Variants in NINL observed in about 807,000 individuals in gnomAD.
NINL encodes ninein like.
NINL carries 153 observed loss-of-function variants against 160.3 expected under a neutral mutation model. The observed-to-expected ratio is 0.95, with a 90% CI of 0.84 to 1.09. NINL has a LOEUF of 1.09. Ranked by LOEUF, NINL falls within the 50% of genes least tolerant of loss-of-function variation. NINL has a pLI of 0.00. For missense variants in NINL, 1,829 were observed against 1,764.0 expected, an observed-to-expected ratio of 1.04 and a Z score of -0.66; for synonymous variants, 800 against 734.8, an observed-to-expected ratio of 1.09 and a Z score of -1.43.
chr20:25,514,915 T>C (rs938079395), intron 3 of NINL, among the ~76,000 whole-genome samples: 5 of 152,194 alleles, frequency 3.3e-5, no homozygotes, highest in Non-Finnish European at 7.4e-5. Flanking sequence ...AGAGGATATA[T>C]GAAGACATCT....
intron 1 of NINL, among the ~76,000 whole-genome samples, chr20:25,584,917 G>A (rs1188716748): frequency 6.6e-6 from 1 of 152,240 alleles, no homozygotes; most frequent in East Asian, 1.9e-4. Context: ...GATAAAATTC[G>A]CAACAGACTT....
intron 1 of NINL, among the ~76,000 whole-genome samples, chr20:25,536,449 G>A (rs954830978): frequency 1.3e-5 from 2 of 152,218 alleles, no homozygotes; most frequent in African/African-American, 2.4e-5. Flanking sequence ...AGTGGCTCAC[G>A]CCTATAATCC....
At chr20:25,571,350 G>A (rs1226213323) in intron 1 of NINL, among the ~76,000 whole-genome samples, 1 of 152,244 alleles carries the variant, frequency 6.6e-6, no homozygotes, top group East Asian at 1.9e-4. Context: ...TGGCACGCCA[G>A]GGTCAAGGAG....
intron 5 of NINL, among the ~76,000 whole-genome samples, chr20:25,506,427 GCTT>G (rs1423781896): frequency 6.6e-6 from 1 of 152,196 alleles, no homozygotes; most frequent in East Asian, 1.9e-4. Flanking sequence ...CCTGCCACAG[GCTT>G]CTTCTCTACC....
At chr20:25,535,363 T>C (rs1039468193) in intron 1 of NINL, among the ~76,000 whole-genome samples, 1 of 152,144 alleles carries the variant, frequency 6.6e-6, no homozygotes, top group Non-Finnish European at 1.5e-5. Context: ...CAGTTAATAA[T>C]AACATATTGT....
At position 25,477,028 on chromosome 20, in the gene NINL, T is replaced by C; in HGVS notation, c.2263A>G (p.Arg755Gly). 6.3e-7 allele frequency: 1 copy of C among 1,599,784 alleles called. No homozygotes were observed. Among genetic ancestry groups the C allele is most frequent in the Non-Finnish European group, 8.5e-7 (1 of 1,179,690 alleles). Reference sequence around the variant, plus strand: ...TCCTCCAGCTCCAAGGTCAGGTCTCTGCGAGCGGGCAGGGCTCCCAGCCCC... The same window carrying C: ...TCCTCCAGCTCCAAGGTCAGGTCTCCGCGAGCGGGCAGGGCTCCCAGCCCC... ...LSGLGALPAR[R>G]DLTLELEEPP... The change falls in exon 17 of 24, where the codon AGA becomes GGA. Residue 755 changes from arginine to glycine, a missense_variant. Coordinates refer to ENST00000278886, the MANE Select transcript of NINL (RefSeq NM_025176.6).
intron 1 of NINL, among the ~76,000 whole-genome samples, chr20:25,577,168 C>T (rs1019890438): frequency 1.3e-5 from 2 of 152,216 alleles, no homozygotes; most frequent in East Asian, 1.9e-4. Flanking sequence ...GCAGTGACAA[C>T]GTTGCCTGAA....
chr20:25,521,910 G>C (rs2064270016), intron 2 of NINL, among the ~76,000 whole-genome samples: 1 of 152,092 alleles, frequency 6.6e-6, no homozygotes, highest in African/African-American at 2.4e-5. Flanking sequence ...ACCTCTCTGG[G>C]TACTTAATTT....
chr20:25,552,102 T>C (rs1488895043), intron 1 of NINL, among the ~76,000 whole-genome samples: 1 of 152,192 alleles, frequency 6.6e-6, no homozygotes, highest in Non-Finnish European at 1.5e-5. Context: ...ATGACTCCAT[T>C]CCCAGGCTTA....
intron 2 of NINL, among the ~76,000 whole-genome samples, chr20:25,525,180 A>T (rs2064335295): frequency 6.6e-6 from 1 of 152,148 alleles, no homozygotes; most frequent in Non-Finnish European, 1.5e-5. Flanking sequence ...GTTCCTTATG[A>T]GGGAGGCACA....
At chr20:25,460,765 G>C (rs999760987) in intron 21 of NINL, among the ~76,000 whole-genome samples, 1 of 152,142 alleles carries the variant, frequency 6.6e-6, no homozygotes, top group African/African-American at 2.4e-5. Flanking sequence ...GCCAGGGCCA[G>C]CGCCGGGGGG....
intron 1 of NINL, among the ~76,000 whole-genome samples, chr20:25,557,184 C>T (rs1166823196): frequency 6.6e-6 from 1 of 152,168 alleles, no homozygotes; most frequent in African/African-American, 2.4e-5. Flanking sequence ...GTAACCTCTA[C>T]CATGCATACT....
chr20:25,531,203 G>T (rs374482449), intron 1 of NINL, among the ~76,000 whole-genome samples: 6 of 152,340 alleles, frequency 3.9e-5, no homozygotes, highest in African/African-American at 1.2e-4. Context: ...GGTGGTCAGA[G>T]TTTAAGGTTA....
chr20:25,519,028 C>T (rs575068187), intron 2 of NINL, among the ~76,000 whole-genome samples: 7 of 141,628 alleles, frequency 4.9e-5, no homozygotes, highest in East Asian at 2.3e-4. Context: ...ACCCAGGAGG[C>T]GGAGGTTGCA....
chr20:25,561,089 C>T (rs891238531), intron 1 of NINL, among the ~76,000 whole-genome samples: 81 of 149,956 alleles, frequency 5.4e-4, no homozygotes, highest in Non-Finnish European at 3.4e-4. Context: ...CATGCCGAGC[C>T]GAAGCTGGAC....
rs1487231750 is a variant in NINL at position 25,485,749 on chromosome 20, G to C, written c.1677+3495C>G. On this transcript the variant is annotated intron_variant, in intron 13 of 23. Transcript: ENST00000278886. ...ATTGTAAAAATCTATTATGAACTAG[G>C]CTTTAGAAGGTATAGTAAATAAAAC... Among the ~76,000 whole-genome samples, 9 of 152,088 alleles carry C rather than the reference G, an allele frequency of 5.9e-5. No homozygotes were observed. The East Asian group carries it at 1.7e-3, about 29-fold the overall frequency.
intron 1 of NINL, among the ~76,000 whole-genome samples, chr20:25,550,037 A>T (rs895903022): frequency 6.6e-6 from 1 of 152,226 alleles, no homozygotes; most frequent in Admixed American, 6.5e-5. Flanking sequence ...TGTGTATCAA[A>T]AGGAATTTGT....
In NINL at chr20:25,526,401, C is replaced by T. The variant is rs777308277; in HGVS notation, c.180+7G>A. 1.9e-6 allele frequency: 3 copies of T among 1,607,578 alleles called. No individual in the cohort carries two copies. Among genetic ancestry groups the T allele is most frequent in the Admixed American group, 1.7e-5 (1 of 59,842 alleles). On this transcript the variant is annotated splice_region_variant and intron_variant, in intron 2 of 23. Transcript: ENST00000278886. ...TTTCCTTTATGACAATGAAGTCCAA[C>T]ACTCACCCTGGCGAAATGGTCGTTT...
intron 8 of NINL, 99 bp from the exon 9 acceptor site, chr20:25,498,445 C>G (rs1030877275): frequency 6.8e-7 from 1 of 1,479,120 alleles, no homozygotes; most frequent in Non-Finnish European, 9.1e-7. Context: ...CCCAGCATGG[C>G]TGTCCCAGGC....
Sources: gnomAD v4.1 joint callset for allele counts (sites outside exome capture counted in the v4.1 genomes callset) on GRCh38, gnomAD v4.1.1 for gene constraint, MANE v1.5 for transcripts, NCBI Gene and HGNC (gene_info 2026-07-23, HGNC 2026-07-21) for gene names.